The following PIMREG variants were observed in gnomAD, a reference collection of about 807,000 sequenced individuals.
The protein encoded by PIMREG is PICALM interacting mitotic regulator.
Under a neutral mutation model 24.3 loss-of-function variants are expected in PIMREG, and 19 were observed. The observed-to-expected ratio is 0.78, with a 90% confidence interval of 0.54 to 1.15. The LOEUF (loss-of-function observed/expected upper bound fraction) is 1.15, where lower values mean the gene tolerates loss of function less well. PIMREG is among the 50% of genes most tolerant of loss of function. PIMREG has a pLI of 0.00. For missense variants in PIMREG, 283 were observed against 306.8 expected (o/e 0.92, Z 0.58); for synonymous variants, 112 against 124.1 (o/e 0.90, Z 0.65).
At chr17:6,446,172 C>T (rs1270273564) in intron 2 of PIMREG, 4 of 401,086 alleles carry the variant, frequency 1.0e-5, no homozygotes, top group South Asian at 1.3e-4. Context: ...GTCAGGAAGA[C>T]GTCCTTATAT....
At chr17:6,446,323 T>C (rs1023062050) in intron 2 of PIMREG, 2 of 397,268 alleles carry the variant, frequency 5.0e-6, no homozygotes, top group Non-Finnish European at 8.9e-6. Flanking sequence ...CAGAGGCTTC[T>C]CCTCGGTGTC....
intron 3 of PIMREG, 132 bp downstream of exon 3, chr17:6,447,890 G>A (rs1454352639): frequency 2.1e-5 from 18 of 860,316 alleles, no homozygotes; most frequent in Non-Finnish European, 3.2e-5. Flanking sequence ...CTGGAGCCAG[G>A]GGCACCCTGA....
At chr17:6,448,208 G>A (rs1436113622) in intron 3 of PIMREG, among the ~76,000 whole-genome samples, 2 of 140,412 alleles carry the variant, frequency 1.4e-5, no homozygotes, top group South Asian at 2.3e-4. Context: ...GCTTGAACTC[G>A]GGAGGTGGAA....
chr17:6,449,657 G>A, intron 4 of PIMREG: 1 of 1,377,322 alleles, frequency 7.3e-7, no homozygotes, highest in Non-Finnish European at 9.4e-7. Flanking sequence ...TCCATCACTT[G>A]GAACCTCACG....
chr17:6,446,474 G>C (rs1364220809), intron 2 of PIMREG, among the ~76,000 whole-genome samples: 4 of 152,206 alleles, frequency 2.6e-5, no homozygotes, highest in African/African-American at 7.2e-5. Flanking sequence ...TCAGGGATCA[G>C]AGAAATGAAA....
chr17:6,449,536 TCA>T, intron 4 of PIMREG, 129 bp downstream of exon 4: 1 of 1,025,076 alleles, frequency 9.8e-7, no homozygotes, highest in South Asian at 1.7e-5. Context: ...TCTCTGGGCC[TCA>T]GTCTCCCTCA....
rs967666051 is a variant in PIMREG at position 6,447,271 on chromosome 17, C to T, written c.295-192C>T. 50 of 602,874 alleles carry T rather than the reference C, an allele frequency of 8.3e-5. No individual in the cohort carries two copies. The African/African-American group carries it at 9.2e-4, about 11-fold the overall frequency. The allele number at this position is 602,874 out of a possible 1,614,324, so 37.3% of individuals were successfully genotyped here. On this transcript the variant is annotated intron_variant, in intron 2 of 5. Coordinates refer to ENST00000572447, the MANE Select transcript of PIMREG (RefSeq NM_019013.3). ...GGATTACAGGCACCCGCCACCGCGC[C>T]TGGCTAATTTTTTTTTGCATTTTTA...
At chr17:6,447,225 C>T (rs1236059046) in intron 2 of PIMREG, 1 of 444,964 alleles carries the variant, frequency 2.2e-6, no homozygotes, top group South Asian at 2.6e-5. Flanking sequence ...GACTCTCATG[C>T]CTCAGCCACC....
chr17:6,449,438 G>A (rs777836629), intron 4 of PIMREG, 31 bp downstream of exon 4: 1 of 1,580,046 alleles, frequency 6.3e-7, no homozygotes, highest in Admixed American at 1.8e-5. Flanking sequence ...TCAAAGTGAA[G>A]GGGCCGGGAG....
At position 6,445,242 on chromosome 17, in the gene PIMREG, G is replaced by A. The variant is rs772105199; in HGVS notation, c.132G>A (p.Gly44=). 119 of 1,613,618 alleles carry A rather than the reference G, an allele frequency of 7.4e-5. No homozygotes were observed. Among genetic ancestry groups the A allele is most frequent in the Non-Finnish European group, 9.7e-5 (114 of 1,179,964 alleles). The change falls in exon 2 of 6, where the codon GGG becomes GGA. Residue 44 remains glycine (G), a synonymous_variant. Transcript: ENST00000572447. ...SHQETSVGAL[G]SLCRQFQRRL... ...AGGAGACCTCTGTAGGGGCCCTGGG[G>A]TCCCTGTGCAGACAGTTCCAAAGGA...
At position 6,449,389 on chromosome 17, in the gene PIMREG, C is replaced by G; in HGVS notation, c.668C>G (p.Ala223Gly). The part of the protein sequence containing the change: ...LQKLSQELDE[A>G]IMAEESGDIV... ...AAGCTGTCCCAAGAGCTAGATGAAGCCATTATGGCGGAAGAGAGGTGAGTT... is the reference window on the plus strand; with the variant it reads ...AAGCTGTCCCAAGAGCTAGATGAAGGCATTATGGCGGAAGAGAGGTGAGTT... The change falls in exon 4 of 6, where the codon GCC becomes GGC. Residue 223 changes from alanine to glycine, a missense_variant. Transcript: ENST00000572447. 2 of 1,613,420 alleles carry G rather than the reference C, an allele frequency of 1.2e-6. No homozygotes were observed. Among genetic ancestry groups the G allele is most frequent in the South Asian group, 2.2e-5 (2 of 91,008 alleles).
rs1913625997 is a variant in PIMREG, at chr17:6,447,522, C to G, written c.354C>G (p.Ala118=). The G allele has an allele frequency of 6.2e-7, 1 of 1,613,992 alleles. No individual in the cohort carries two copies. The highest frequency in any genetic ancestry group is 1.7e-5 in the Admixed American group (1 of 60,008). ...GGCTGGTGGAGACCCAGGTGAAGGC[C>G]AGGAGGCGGAAGAGAGGAGCACAGA... ...TKWLVETQVK[A]RRRKRGAQKG... is the part of the protein sequence containing the mutation. Residue 118 remains alanine (A), a synonymous_variant, in exon 3 of 6, where the codon GCC becomes GCG. Transcript: ENST00000572447.
chr17:6,449,022 C>G (rs968150373), intron 3 of PIMREG, among the ~76,000 whole-genome samples: 1 of 152,252 alleles, frequency 6.6e-6, no homozygotes, highest in Non-Finnish European at 1.5e-5. Flanking sequence ...ATCACACTCA[C>G]CCAAGCCTCC....
chr17:6,447,914 GTAT>G (rs767139439), intron 3 of PIMREG, among the ~76,000 whole-genome samples, 156 bp downstream of exon 3: 1 of 152,148 alleles, frequency 6.6e-6, no homozygotes, highest in Admixed American at 6.5e-5. Flanking sequence ...GCGTCATATT[GTAT>G]TATTATTATT....
At position 6,445,187 on chromosome 17, in the gene PIMREG, G is replaced by C. The variant is rs538339231; in HGVS notation, c.77G>C (p.Ser26Thr). ...SLQHQEQLED[S>T]KELQPVVSHQ... ...CAGCACCAGGAGCAGCTGGAGGACA[G>C]CAAGGAGCTGCAGCCTGTGGTCAGC... The change falls in exon 2 of 6, where the codon AGC (serine) becomes ACC (threonine). Residue 26 changes from serine to threonine, a missense_variant. Transcript: ENST00000572447. 6.2e-7 allele frequency: 1 copy of C among 1,613,710 alleles called. No individual in the cohort carries two copies. Among genetic ancestry groups the C allele is most frequent in the African/African-American group, 1.3e-5 (1 of 75,018 alleles).
intron 3 of PIMREG, among the ~76,000 whole-genome samples, chr17:6,448,543 G>A (rs1450403278): frequency 6.6e-6 from 1 of 152,176 alleles, no homozygotes; most frequent in Non-Finnish European, 1.5e-5. Flanking sequence ...ACGGAGGTCC[G>A]GAGGGGTTTG....
At position 6,447,425 on chromosome 17, in the gene PIMREG, G is replaced by A. The variant is rs749170407; in HGVS notation, c.295-38G>A. The stretch of plus-strand genomic sequence containing the variant: ...GCCACCGCGCCCGGCCTAACTTTTG[G>A]TTTTGTCTGTGCTAACCTTTCCATT... On this transcript the variant is annotated intron_variant, in intron 2 of 5. Transcript: ENST00000572447. 6.3e-6 allele frequency: 10 copies of A among 1,592,760 alleles called. No homozygotes were observed. In the Admixed American group the frequency reaches 1.7e-4, roughly 27 times the overall value.
At position 6,450,496 on chromosome 17, in the gene PIMREG, A is replaced by C. The variant is rs1913789184; in HGVS notation, c.*149A>C. On this transcript the variant is annotated 3_prime_UTR_variant, in exon 6 of 6. Transcript: ENST00000572447. ...CTAACAAGCACCTAACAAGGGGCCC[A>C]GAGCCCCCTGCTCCAGCCACATCTG... The C allele has an allele frequency of 1.6e-6, 2 of 1,215,960 alleles. No homozygotes were observed. Among genetic ancestry groups the C allele is most frequent in the Non-Finnish European group, 2.3e-6 (2 of 869,354 alleles). The allele number at this position is 1,215,960 out of a possible 1,614,324, so 75.3% of individuals were successfully genotyped here. A position where few individuals can be genotyped will look rare whatever the true frequency, so the allele number is the denominator to read the frequency against.
At chr17:6,450,223 A>T in intron 5 of PIMREG, 139 bp from the exon 6 acceptor site, 1 of 1,108,460 alleles carries the variant, frequency 9.0e-7, no homozygotes, top group Non-Finnish European at 1.3e-6. Flanking sequence ...AACCTCACTG[A>T]CCCCGTCATT....
Sources: gnomAD v4.1 joint callset for allele counts (sites outside exome capture counted in the v4.1 genomes callset) on GRCh38, gnomAD v4.1.1 for gene constraint, MANE v1.5 for transcripts, NCBI Gene and HGNC (gene_info 2026-07-23, HGNC 2026-07-21) for gene names.